Variants in KIAA0930 observed in about 807,000 individuals in gnomAD.
The protein encoded by KIAA0930 is KIAA0930.
Under a neutral mutation model 43.9 loss-of-function variants are expected in KIAA0930, and 24 were observed. That is an observed-to-expected ratio of 0.55 (90% CI 0.40 to 0.77). KIAA0930 has a LOEUF of 0.77. Among genes scored for constraint, KIAA0930 ranks in the 30% least tolerant of loss-of-function variants. The pLI is 0.00. For missense variants in KIAA0930, 461 were observed against 574.2 expected, an observed-to-expected ratio of 0.80 and a Z score of 2.02; for synonymous variants, 259 against 216.4, an observed-to-expected ratio of 1.20 and a Z score of -1.73.
chr22:45,199,914 G>A lies in KIAA0930; in HGVS notation c.974C>T (p.Ala325Val). 6.2e-7 allele frequency: 1 copy of A among 1,603,734 alleles called. No homozygotes were observed. Among genetic ancestry groups the A allele is most frequent in the Admixed American group, 1.7e-5 (1 of 59,242 alleles). ...CCGGAAGAACTCCTCGCTGTCGTTG[G>A]CCGAGTGCGACTTCTTCATCTCAGC... ...RIAEMKKSHS[A>V]NDSEEFFRED... Residue 325 changes from alanine (A) to valine (V), a missense_variant, in exon 8 of 10, where the codon GCC (alanine) becomes GTC (valine). Physicochemically the swap from Ala to Val is moderately conservative, Grantham distance 64. Coordinates refer to ENST00000336156, the MANE Select transcript of KIAA0930 (RefSeq NM_001009880.2).
intron 1 of KIAA0930, among the ~76,000 whole-genome samples, chr22:45,221,552 C>T (rs915071310): frequency 6.6e-6 from 1 of 152,082 alleles, no homozygotes; most frequent in Non-Finnish European, 1.5e-5. Context: ...TCATTTTGTT[C>T]AATGCTATAC....
chr22:45,230,020 CA>C (rs1329540807), intron 1 of KIAA0930, among the ~76,000 whole-genome samples: 1 of 152,226 alleles, frequency 6.6e-6, no homozygotes, highest in Non-Finnish European at 1.5e-5. Context: ...CACTCGAACC[CA>C]GGGGGCGGAG....
At chr22:45,226,819 G>A in intron 1 of KIAA0930, 1 of 156,580 alleles carries the variant, frequency 6.4e-6, no homozygotes, top group South Asian at 1.8e-4. Context: ...AGCACTGCCA[G>A]CTTCCCCGCC....
intron 1 of KIAA0930, among the ~76,000 whole-genome samples, chr22:45,221,106 C>T (rs991114350): frequency 6.6e-6 from 1 of 152,224 alleles, no homozygotes; most frequent in South Asian, 2.1e-4. Context: ...CCTTCTCAGA[C>T]AGGCCTTCTC....
In KIAA0930 at chr22:45,219,586, T is replaced by A. The variant is rs1477698467; in HGVS notation, c.65-7479A>T. On this transcript the variant is annotated intron_variant, in intron 1 of 9. Transcript: ENST00000336156. ...ACAGCAGGCCAAGAGGTGATTGTTTTTTTTTTTTTTTTTTTTTTTTTTTTT... is the reference window on the plus strand; with the variant it reads ...ACAGCAGGCCAAGAGGTGATTGTTTATTTTTTTTTTTTTTTTTTTTTTTTT... 2.0e-4 allele frequency among the ~76,000 whole-genome samples: 21 copies of A among 103,832 alleles called. 1 individual carries two copies. In the South Asian group the frequency reaches 5.5e-3, roughly 27 times the overall value. 68.1% of individuals were successfully genotyped at this position (103,832 alleles called of 152,430 possible).
At chr22:45,208,648 ACT>A (rs922632831) in intron 2 of KIAA0930, among the ~76,000 whole-genome samples, 1 of 152,108 alleles carries the variant, frequency 6.6e-6, no homozygotes, top group African/African-American at 2.4e-5. Flanking sequence ...TTCTCATCAC[ACT>A]CTGTATCTGG....
At position 45,203,154 on chromosome 22, in the gene KIAA0930, T is replaced by C. The variant is rs377371546; in HGVS notation, c.688A>G (p.Met230Val). ...CTGTACTTGTAGAAGCCAAACGACA[T>C]CTTCTGTGCCATGCGGGCGGCCACG... ...VSVAARMAQK[M>V]SFGFYKYSNM... The change falls in exon 7 of 10, where the codon ATG becomes GTG. Residue 230 changes from methionine (M) to valine (V), a missense_variant. Coordinates refer to ENST00000336156, the MANE Select transcript of KIAA0930 (RefSeq NM_001009880.2). The C allele has an allele frequency of 1.2e-6, 2 of 1,611,214 alleles. No homozygotes were observed. The highest frequency in any genetic ancestry group is 1.7e-6 in the Non-Finnish European group (2 of 1,178,538).
At chr22:45,201,519 C>A (rs2083588908) in intron 7 of KIAA0930, among the ~76,000 whole-genome samples, 1 of 152,190 alleles carries the variant, frequency 6.6e-6, no homozygotes, top group Non-Finnish European at 1.5e-5. Context: ...AGAGCTCGGG[C>A]CACATCTTCG....
In KIAA0930 at chr22:45,212,248, C is replaced by G; in HGVS notation, c.65-141G>C. On this transcript the variant is annotated intron_variant, in intron 1 of 9. Coordinates refer to ENST00000336156, the MANE Select transcript of KIAA0930 (RefSeq NM_001009880.2). ...TCTGAGATGCGCCACCCTTCCCTCACCACTCCCGACCCCCACCCATGGAGC... is the reference window on the plus strand; with the variant it reads ...TCTGAGATGCGCCACCCTTCCCTCAGCACTCCCGACCCCCACCCATGGAGC... The G allele has an allele frequency of 1.9e-6, 3 of 1,612,716 alleles. No individual in the cohort carries two copies. The South Asian group carries it at 3.3e-5, about 18-fold the overall frequency.
intron 5 of KIAA0930, among the ~76,000 whole-genome samples, chr22:45,204,594 T>C (rs955139325): frequency 6.6e-6 from 1 of 152,116 alleles, no homozygotes; most frequent in Non-Finnish European, 1.5e-5. Flanking sequence ...GCCTTCCTCC[T>C]AAGTCCTCAG....
At chr22:45,217,641 C>T (rs970118420) in intron 1 of KIAA0930, among the ~76,000 whole-genome samples, 1 of 152,170 alleles carries the variant, frequency 6.6e-6, no homozygotes, top group Non-Finnish European at 1.5e-5. Flanking sequence ...GACGGAGCAT[C>T]GCCTTGTCTG....
chr22:45,215,888 C>G (rs938846270), intron 1 of KIAA0930, among the ~76,000 whole-genome samples: 3 of 152,040 alleles, frequency 2.0e-5, no homozygotes, highest in Admixed American at 6.5e-5. Flanking sequence ...AGAAAGGGAA[C>G]GGGGAGGCGG....
rs183063116 is a variant in KIAA0930, at chr22:45,208,129, G to A, written c.217-2217C>T. 1.0e-3 allele frequency among the ~76,000 whole-genome samples: 157 copies of A among 152,272 alleles called. 1 individual carries two copies. The highest frequency in any genetic ancestry group is 3.5e-3 in the African/African-American group (147 of 41,536). On this transcript the variant is annotated intron_variant, in intron 2 of 9. Coordinates refer to ENST00000336156, the MANE Select transcript of KIAA0930 (RefSeq NM_001009880.2). ...CCCAAGAGGACACTGGGAGCTGCCCGGTACCCACTGACAGGAGGGTGGCCA... is the reference window on the plus strand; with the variant it reads ...CCCAAGAGGACACTGGGAGCTGCCCAGTACCCACTGACAGGAGGGTGGCCA...
intron 1 of KIAA0930, among the ~76,000 whole-genome samples, chr22:45,225,608 CCACAGGG>C (rs1022560340): frequency 7.9e-5 from 12 of 152,168 alleles, no homozygotes; most frequent in African/African-American, 2.9e-4. Flanking sequence ...CTCGACCACA[CCACAGGG>C]CACAGGGCAC....
At chr22:45,230,084 A>T (rs1191078803) in intron 1 of KIAA0930, among the ~76,000 whole-genome samples, 2 of 152,186 alleles carry the variant, frequency 1.3e-5, no homozygotes, top group Non-Finnish European at 2.9e-5. Context: ...TGACAGTGAC[A>T]GGAACAGCCA....
intron 1 of KIAA0930, among the ~76,000 whole-genome samples, chr22:45,218,226 C>T (rs1454823991): frequency 5.3e-5 from 8 of 151,954 alleles, no homozygotes; most frequent in South Asian, 2.1e-4. Flanking sequence ...GGCACGATCT[C>T]GGCTCACTGC....
intron 1 of KIAA0930, among the ~76,000 whole-genome samples, chr22:45,227,140 G>A (rs1231354909): frequency 6.6e-6 from 1 of 152,236 alleles, no homozygotes. Context: ...CCGGCCCACG[G>A]CAGGTGCTCA....
chr22:45,198,267 G>A (rs145630793), intron 8 of KIAA0930, among the ~76,000 whole-genome samples: 1 of 152,342 alleles, frequency 6.6e-6, no homozygotes, highest in Non-Finnish European at 1.5e-5. Context: ...CTCTGCTTCT[G>A]CAGGCCCTGT....
At position 45,240,710 on chromosome 22, in the gene KIAA0930, C is replaced by T. The variant is rs1446765581; in HGVS notation, c.-7G>A. 5.9e-6 allele frequency: 7 copies of T among 1,188,282 alleles called. No homozygotes were observed. The highest frequency in any genetic ancestry group is 7.3e-5 in the African/African-American group (2 of 27,370). 73.6% of individuals were successfully genotyped at this position (1,188,282 alleles called of 1,614,324 possible). ...CCGCTATGGCACGCAGCATGTGCTG[C>T]AGCGAGCGCTCCTCGGCCTCGGCGC... On this transcript the variant is annotated 5_prime_UTR_variant, in exon 1 of 10. Transcript: ENST00000336156.
Sources: allele counts gnomAD v4.1 joint callset (sites outside exome capture counted in the v4.1 genomes callset), GRCh38; gene constraint gnomAD v4.1.1; transcripts MANE v1.5; gene names NCBI Gene and HGNC (gene_info 2026-07-23, HGNC 2026-07-21).